The following RAD52 variants were observed in gnomAD, a reference collection of about 807,000 sequenced individuals.
RAD52 encodes DNA repair protein RAD52 homolog.
Under a neutral mutation model 55.5 loss-of-function variants are expected in RAD52, and 47 were observed. The observed-to-expected ratio is 0.85, with a 90% CI of 0.67 to 1.08. The LOEUF (loss-of-function observed/expected upper bound fraction) is 1.08, where lower values mean the gene tolerates loss of function less well. Among genes scored for constraint, RAD52 ranks in the 50% least tolerant of loss-of-function variants. The pLI is 0.00. For missense variants in RAD52, 468 were observed against 522.8 expected, an observed-to-expected ratio of 0.90 and a Z score of 1.02; for synonymous variants, 184 against 198.9, an observed-to-expected ratio of 0.92 and a Z score of 0.63.
At position 912,734 on chromosome 12, in the gene RAD52, A is replaced by AAAAC. The variant is rs1956159184; in HGVS notation, c.*656_*657insGTTT. On this transcript the variant is annotated 3_prime_UTR_variant, in exon 12 of 12. Coordinates refer to ENST00000358495, the MANE Select transcript of RAD52 (RefSeq NM_134424.4). ...CCAGACCCCGTCTCAAAAAAAAAAA[A>AAAAC]AAAAAAAAAAACAAAAAACAGCCTT... 1 of 139,954 alleles carries AAAAC rather than the reference A, an allele frequency of 7.1e-6. No individual in the cohort carries two copies. Among genetic ancestry groups the AAAAC allele is most frequent in the East Asian group, 1.4e-4 (1 of 7,152 alleles). 8.7% of individuals were successfully genotyped at this position (139,954 alleles called of 1,614,324 possible). A position where few individuals can be genotyped will look rare whatever the true frequency, so the allele number is the denominator to read the frequency against.
At chr12:932,822 T>C (rs1391579783) in intron 2 of RAD52, among the ~76,000 whole-genome samples, 153 bp downstream of exon 2, 1,316 of 32,348 alleles carry the variant, frequency 0.041, 9 homozygotes, top group Middle Eastern at 0.086. Flanking sequence ...CTCACACACG[T>C]ACTAGGTAAA....
At chr12:950,911 C>T (rs11571370), upstream of RAD52, among the ~76,000 whole-genome samples, 7,182 of 152,000 alleles carry the variant, frequency 0.047, 244 homozygotes, top group Non-Finnish European at 0.066. Context: ...CCCCTTATTC[C>T]CCAGCCTCTG....
Position 931,250 on chromosome 12 carries a change from T to C in RAD52, c.156A>G (p.Ile52Met), listed in dbSNP as rs1282299002. 6.2e-7 allele frequency: 1 copy of C among 1,612,700 alleles called. No homozygotes were observed. Among genetic ancestry groups the C allele is most frequent in the African/African-American group, 1.3e-5 (1 of 74,890 alleles). Residue 52 changes from isoleucine (I) to methionine (M), a missense_variant, in exon 3 of 12, where the codon ATA becomes ATG. Transcript: ENST00000358495. ...GGCCTCCGCCAGCCATGCGGCTACTTATGTATTCTGGGCCCAGCCTCTGCC... is the reference window on the plus strand; with the variant it reads ...GGCCTCCGCCAGCCATGCGGCTACTCATGTATTCTGGGCCCAGCCTCTGCC... ...ALRQRLGPEYISSRMAGGGQK... is the reference protein window; with the variant it reads ...ALRQRLGPEYMSSRMAGGGQK...
intron 1 of RAD52, among the ~76,000 whole-genome samples, chr12:944,624 A>AAC (rs1228046351): frequency 1.3e-5 from 2 of 151,720 alleles, no homozygotes; most frequent in East Asian, 1.9e-4. Flanking sequence ...AAAAAAAAAA[A>AAC]AAAACTCAGG....
In RAD52 at chr12:913,281, T is replaced by C; in HGVS notation, c.*110A>G. 3.5e-6 allele frequency: 3 copies of C among 849,808 alleles called. No individual in the cohort carries two copies. Among genetic ancestry groups the C allele is most frequent in the Non-Finnish European group, 5.7e-6 (3 of 522,776 alleles). The allele number at this position is 849,808 out of a possible 1,614,324, so 52.6% of individuals were successfully genotyped here. A position where few individuals can be genotyped will look rare whatever the true frequency, so the allele number is the denominator to read the frequency against. On this transcript the variant is annotated 3_prime_UTR_variant, in exon 12 of 12. Transcript: ENST00000358495. ...TGATAAGGTTCAGAATGAAGCAAGATAAATCGCAATGACGTTCATTCTCCA... is the reference window on the plus strand; with the variant it reads ...TGATAAGGTTCAGAATGAAGCAAGACAAATCGCAATGACGTTCATTCTCCA...
chr12:969,789 C>A (rs1479735501), intron 1 of RAD52, among the ~76,000 whole-genome samples: 1 of 146,622 alleles, frequency 6.8e-6, no homozygotes, highest in Non-Finnish European at 1.5e-5. Flanking sequence ...GACCCTGACT[C>A]TTAAAAAAAA....
At chr12:987,642 C>G (rs1029003396) in intron 1 of RAD52, among the ~76,000 whole-genome samples, 2 of 151,498 alleles carry the variant, frequency 1.3e-5, no homozygotes, top group African/African-American at 4.9e-5. Flanking sequence ...TTCACTGCAA[C>G]CTCTGCCTCC....
intron 7 of RAD52, among the ~76,000 whole-genome samples, chr12:917,095 CTT>C (rs1956433800): frequency 6.6e-6 from 1 of 152,184 alleles, no homozygotes; most frequent in African/African-American, 2.4e-5. Context: ...CTGGGTCTGT[CTT>C]TGCTGCCTCC....
intron 6 of RAD52, chr12:926,685 A>G: frequency 2.5e-6 from 3 of 1,208,330 alleles, no homozygotes; most frequent in Non-Finnish European, 3.4e-6. Context: ...TCATAAGCCA[A>G]TCAAACCTCC....
In RAD52 at chr12:929,811, C is replaced by G. The variant is rs1565668074; in HGVS notation, c.348+8G>C. Reference sequence around the variant, plus strand: ...CTTCCGGGCAGCAGGTCTACTCCATCCCCTCACCTTCAGCTGGACCCTCAC... The same window carrying G: ...CTTCCGGGCAGCAGGTCTACTCCATGCCCTCACCTTCAGCTGGACCCTCAC... On this transcript the variant is annotated splice_region_variant and intron_variant, in intron 5 of 11. Transcript: ENST00000358495. 2 of 1,610,116 alleles carry G rather than the reference C, an allele frequency of 1.2e-6. No individual in the cohort carries two copies. Among genetic ancestry groups the G allele is most frequent in the Non-Finnish European group, 1.7e-6 (2 of 1,177,434 alleles).
intron 1 of RAD52, among the ~76,000 whole-genome samples, chr12:937,787 A>T (rs1284625558): frequency 6.6e-6 from 1 of 152,140 alleles, no homozygotes; most frequent in African/African-American, 2.4e-5. Context: ...CAACATCTGC[A>T]TCTTGTTACC....
At position 943,042 on chromosome 12, in the gene RAD52, A is replaced by G. The variant is rs1958001400; in HGVS notation, c.-19+6560T>C. ...GGCAAAAGATTTGAGCAGGCACTTC[A>G]CAAAGGAAGATGCACATTGTCATGG... is the stretch of plus-strand genomic sequence containing the variant. On this transcript the variant is annotated intron_variant, in intron 1 of 11. Transcript: ENST00000358495. 2.6e-5 allele frequency among the ~76,000 whole-genome samples: 4 copies of G among 152,210 alleles called. 1 individual carries two copies. Among genetic ancestry groups the G allele is most frequent in the Admixed American group, 2.6e-4 (4 of 15,276 alleles).
intron 1 of RAD52, among the ~76,000 whole-genome samples, chr12:939,490 G>T (rs983702270): frequency 1.3e-5 from 2 of 152,090 alleles, no homozygotes; most frequent in Non-Finnish European, 2.9e-5. Flanking sequence ...CTTTCAGGAT[G>T]AAGTGTCAGG....
At chr12:976,712 T>C (rs1200552403) in intron 1 of RAD52, 1 of 152,200 alleles carries the variant, frequency 6.6e-6, no homozygotes, top group Non-Finnish European at 1.5e-5. Flanking sequence ...CAGGCTCTAA[T>C]TCCCAATCCA....
Position 913,979 on chromosome 12 carries a change from A to T in RAD52, c.1110T>A (p.Thr370=), listed in dbSNP as rs1434162411. The T allele has an allele frequency of 6.2e-7, 1 of 1,614,132 alleles. No individual in the cohort carries two copies. Among genetic ancestry groups the T allele is most frequent in the Non-Finnish European group, 8.5e-7 (1 of 1,180,020 alleles). The change falls in exon 11 of 12, where the codon ACT becomes ACA. Residue 370 remains threonine (T), a synonymous_variant. Coordinates refer to ENST00000358495, the MANE Select transcript of RAD52 (RefSeq NM_134424.4). ...LNNQMVTQNR[T]PHSVCHQKPQ... is the part of the protein sequence containing the mutation. ...GTTTCTGGTGGCAAACGCTGTGTGGAGTCCTGTTCTGGGTCACCATCTGGT... is the reference window on the plus strand; with the variant it reads ...GTTTCTGGTGGCAAACGCTGTGTGGTGTCCTGTTCTGGGTCACCATCTGGT...
intron 1 of RAD52, among the ~76,000 whole-genome samples, chr12:940,089 G>T (rs1251386806): frequency 6.6e-6 from 1 of 151,332 alleles, no homozygotes; most frequent in Non-Finnish European, 1.5e-5. Context: ...AAAAAAAGAA[G>T]AGAGAAGAGG....
intron 2 of RAD52, among the ~76,000 whole-genome samples, chr12:931,773 A>G (rs778899097): frequency 1.1e-4 from 16 of 152,240 alleles, no homozygotes; most frequent in Non-Finnish European, 1.9e-4. Context: ...ACGTCAGCAC[A>G]GGAAGCAAGT....
In RAD52 at chr12:931,147, A is replaced by T; in HGVS notation, c.186+73T>A. ...CAGACTTCCGAATCCCTGAGGACCC[A>T]GAGAGGGAACTGGCAAGACCATCGG... On this transcript the variant is annotated intron_variant, in intron 3 of 11. Transcript: ENST00000358495. 2.4e-6 allele frequency: 3 copies of T among 1,251,006 alleles called. No homozygotes were observed. In the South Asian group the frequency reaches 3.7e-5, roughly 15 times the overall value. 77.5% of individuals were successfully genotyped at this position (1,251,006 alleles called of 1,614,324 possible).
chr12:944,596 AT>A (rs1958096313), intron 1 of RAD52, among the ~76,000 whole-genome samples: 1 of 149,016 alleles, frequency 6.7e-6, no homozygotes, highest in Admixed American at 6.8e-5. Context: ...CCCAGAGGAA[AT>A]AAAAACATGG....
Sources: allele counts gnomAD v4.1 joint callset (sites outside exome capture counted in the v4.1 genomes callset), GRCh38; gene constraint gnomAD v4.1.1; transcripts MANE v1.5; gene names NCBI Gene and HGNC (gene_info 2026-07-23, HGNC 2026-07-21).